MECOM: variants seen among roughly 807,000 people sequenced by gnomAD.
MECOM encodes histone-lysine N-methyltransferase MECOM.
MECOM carries 13 observed loss-of-function variants against 116.3 expected under a neutral mutation model. The ratio of observed to expected loss-of-function variants is 0.11; its 90% CI spans 0.07 to 0.18. MECOM has a LOEUF of 0.18. Among genes scored for constraint, MECOM ranks in the 10% least tolerant of loss-of-function variants. MECOM has a pLI of 1.00. For missense variants in MECOM, 1,299 were observed against 1,509.0 expected, an observed-to-expected ratio of 0.86 and a Z score of 2.31; for synonymous variants, 528 against 535.2, an observed-to-expected ratio of 0.99 and a Z score of 0.19.
intron 1 of MECOM, chr3:169,483,853 T>G: frequency 6.2e-7 from 1 of 1,611,518 alleles, no homozygotes; most frequent in Non-Finnish European, 8.5e-7. Context: ...ACGGTGATCT[T>G]GCTCTTGCTC....
chr3:169,194,997 A>G (rs1328998034), intron 2 of MECOM, among the ~76,000 whole-genome samples: 2 of 152,056 alleles, frequency 1.3e-5, no homozygotes, highest in Non-Finnish European at 2.9e-5. Context: ...CATCTCAGCC[A>G]CATACAGCTA....
intron 1 of MECOM, among the ~76,000 whole-genome samples, chr3:169,451,819 T>C (rs186165647): frequency 3.4e-4 from 51 of 152,172 alleles, no homozygotes; most frequent in Non-Finnish European, 5.3e-4. Context: ...CATTAAAATG[T>C]TTTCATAATA....
intron 15 of MECOM, among the ~76,000 whole-genome samples, 167 bp downstream of exon 15, chr3:169,089,833 A>T (rs1392551851): frequency 6.6e-6 from 1 of 152,136 alleles, no homozygotes; most frequent in East Asian, 1.9e-4. Context: ...GATTATGTTG[A>T]TAGCCACCTT....
chr3:169,547,485 A>G (rs980804319), intron 1 of MECOM, among the ~76,000 whole-genome samples: 2 of 152,200 alleles, frequency 1.3e-5, no homozygotes, highest in African/African-American at 4.8e-5. Context: ...CAGAAGAACA[A>G]GTATGGGCTT....
At chr3:169,503,303 C>T (rs1251542857) in intron 1 of MECOM, among the ~76,000 whole-genome samples, 1 of 152,058 alleles carries the variant, frequency 6.6e-6, no homozygotes, top group African/African-American at 2.4e-5. Context: ...GAGGCTTAGA[C>T]AAAGAAAACG....
intron 2 of MECOM, among the ~76,000 whole-genome samples, chr3:169,357,549 A>G (rs1309246819): frequency 6.6e-6 from 1 of 151,838 alleles, no homozygotes; most frequent in African/African-American, 2.4e-5. Context: ...CCTTCTTCAT[A>G]AGCACATGCT....
chr3:169,554,219 C>T (rs1040436124), intron 1 of MECOM, among the ~76,000 whole-genome samples: 1 of 152,146 alleles, frequency 6.6e-6, no homozygotes, highest in African/African-American at 2.4e-5. Flanking sequence ...AGTGACAAAG[C>T]CTGGGTCCCT....
At chr3:169,184,925 TTGGCAAATCACTGG>T (rs1190109713) in intron 2 of MECOM, among the ~76,000 whole-genome samples, 6 of 152,080 alleles carry the variant, frequency 3.9e-5, no homozygotes, top group Non-Finnish European at 7.4e-5. Flanking sequence ...ACCATTACAT[TTGGCAAATCACTGG>T]ACATGGGAGA....
At chr3:169,580,312 TGGAC>T (rs147219902) in intron 1 of MECOM, among the ~76,000 whole-genome samples, 1 of 152,290 alleles carries the variant, frequency 6.6e-6, no homozygotes, top group East Asian at 1.9e-4. Flanking sequence ...GAGATTTTGG[TGGAC>T]CCATCACCCG....
intron 2 of MECOM, among the ~76,000 whole-genome samples, chr3:169,312,081 G>A (rs1718882990): frequency 6.6e-6 from 1 of 152,114 alleles, no homozygotes; most frequent in African/African-American, 2.4e-5. Context: ...TTGACTCTGA[G>A]TTGGGACGCC....
At chr3:169,229,536 G>A (rs938505148) in intron 2 of MECOM, among the ~76,000 whole-genome samples, 5 of 152,096 alleles carry the variant, frequency 3.3e-5, no homozygotes, top group South Asian at 4.2e-4. Flanking sequence ...AGTTAGGTGA[G>A]GGTCCTTAGA....
intron 1 of MECOM, among the ~76,000 whole-genome samples, chr3:169,463,468 C>G (rs1043435552): frequency 6.6e-6 from 1 of 152,110 alleles, no homozygotes; most frequent in Admixed American, 6.6e-5. Context: ...ATTTAAGCAG[C>G]TGAGTGTCAT....
Position 169,403,302 on chromosome 3 carries a change from T to C in MECOM, c.38-21778A>G, listed in dbSNP as rs140883203. ...GTGTATTTTCTTGATGGAAAAAATA[T>C]AGAAAAGGGAAAACAGACAGAGGGT... is the stretch of plus-strand genomic sequence containing the variant. On this transcript the variant is annotated intron_variant, in intron 1 of 16. Transcript: ENST00000651503. Among the ~76,000 whole-genome samples, 29 of 152,314 alleles carry C rather than the reference T, an allele frequency of 1.9e-4. 1 individual carries two copies. Among genetic ancestry groups the C allele is most frequent in the African/African-American group, 6.3e-4 (26 of 41,566 alleles).
chr3:169,094,960 T>G, intron 13 of MECOM, 116 bp downstream of exon 13: 1 of 896,384 alleles, frequency 1.1e-6, no homozygotes, highest in African/African-American at 1.7e-5. Flanking sequence ...ATTTTTACAA[T>G]AAGACCTGAT....
intron 1 of MECOM, among the ~76,000 whole-genome samples, chr3:169,548,498 C>T (rs955925792): frequency 6.6e-6 from 1 of 152,322 alleles, no homozygotes; most frequent in African/African-American, 2.4e-5. Context: ...GGAACACAAG[C>T]TCTAAAAAGT....
At chr3:169,602,085 T>G (rs1437907695) in intron 1 of MECOM, among the ~76,000 whole-genome samples, 1 of 152,204 alleles carries the variant, frequency 6.6e-6, no homozygotes, top group African/African-American at 2.4e-5. Flanking sequence ...CTAAATATTG[T>G]TCTTGATCAA....
At chr3:169,657,306 C>A (rs1323408634) in intron 1 of MECOM, among the ~76,000 whole-genome samples, 1 of 152,244 alleles carries the variant, frequency 6.6e-6, no homozygotes, top group East Asian at 1.9e-4. Context: ...CTCTAGGTAA[C>A]CCCTACACAG....
intron 1 of MECOM, among the ~76,000 whole-genome samples, chr3:169,619,328 C>T (rs970951004): frequency 4.6e-5 from 7 of 152,168 alleles, no homozygotes; most frequent in African/African-American, 1.4e-4. Context: ...TCAACCGCAA[C>T]ACGTCACACA....
chr3:169,392,999 C>T (rs183523463), intron 1 of MECOM, among the ~76,000 whole-genome samples: 27 of 152,208 alleles, frequency 1.8e-4, no homozygotes, highest in Admixed American at 1.7e-3. Context: ...ACAAAGTAAG[C>T]CAACAGAAAA....
Sources: gnomAD v4.1 joint callset for allele counts (sites outside exome capture counted in the v4.1 genomes callset) on GRCh38, gnomAD v4.1.1 for gene constraint, MANE v1.5 for transcripts, NCBI Gene and HGNC (gene_info 2026-07-23, HGNC 2026-07-21) for gene names.